CAMK1D: variants seen among roughly 807,000 people sequenced by gnomAD.
CAMK1D encodes the protein calcium/calmodulin dependent protein kinase ID.
In CAMK1D, 9 loss-of-function variants were observed where a neutral mutation model predicts 47.7. The observed-to-expected ratio is 0.19, with a 90% CI of 0.11 to 0.33. The LOEUF (loss-of-function observed/expected upper bound fraction) is 0.33, where lower values mean the gene tolerates loss of function less well. Among genes scored for constraint, CAMK1D ranks in the 10% least tolerant of loss-of-function variants. The pLI is 1.00. For synonymous variants in CAMK1D, 184 were observed against 184.9 expected (o/e 0.99, Z 0.04); for missense variants, 291 against 488.7 (o/e 0.60, Z 3.81).
At chr10:12,529,948 A>G (rs1159745997) in intron 1 of CAMK1D, among the ~76,000 whole-genome samples, 2 of 152,186 alleles carry the variant, frequency 1.3e-5, no homozygotes, top group Non-Finnish European at 2.9e-5. Flanking sequence ...TTGTGGAGGT[A>G]AGGCTTTGGA....
chr10:12,373,202 A>G (rs555536903), intron 1 of CAMK1D, among the ~76,000 whole-genome samples: 1 of 151,948 alleles, frequency 6.6e-6, no homozygotes, highest in East Asian at 1.9e-4. Context: ...AGTCCCAGCT[A>G]CTTTGGAGAC....
intron 1 of CAMK1D, among the ~76,000 whole-genome samples, chr10:12,534,220 A>G (rs746910138): frequency 6.6e-6 from 1 of 152,024 alleles, no homozygotes; most frequent in Non-Finnish European, 1.5e-5. Flanking sequence ...CAGTCAATCA[A>G]TGTATCAATC....
chr10:12,755,879 T>G (rs1336272603), intron 3 of CAMK1D, among the ~76,000 whole-genome samples: 1 of 152,170 alleles, frequency 6.6e-6, no homozygotes, highest in East Asian at 1.9e-4. Flanking sequence ...AGAAGAGAAA[T>G]GCTGCTTAGA....
chr10:12,810,629 A>G (rs1460199559), intron 6 of CAMK1D, among the ~76,000 whole-genome samples: 2 of 152,188 alleles, frequency 1.3e-5, no homozygotes, highest in African/African-American at 4.8e-5. Flanking sequence ...GCGGAGAGGC[A>G]GGGTCCCATC....
chr10:12,793,315 G>A (rs952592025), intron 6 of CAMK1D, among the ~76,000 whole-genome samples: 7 of 152,080 alleles, frequency 4.6e-5, no homozygotes, highest in African/African-American at 1.4e-4. Flanking sequence ...TGGTCTGCAC[G>A]AATGTCTGTG....
chr10:12,797,009 C>T (rs1838223607), intron 6 of CAMK1D, among the ~76,000 whole-genome samples: 1 of 152,182 alleles, frequency 6.6e-6, no homozygotes, highest in South Asian at 2.1e-4. Context: ...ATAGGAAATG[C>T]TCCGTGAGAA....
intron 5 of CAMK1D, among the ~76,000 whole-genome samples, chr10:12,781,776 C>G (rs547672130): frequency 6.6e-6 from 1 of 151,926 alleles, no homozygotes; most frequent in Non-Finnish European, 1.5e-5. Flanking sequence ...CTCATCCTCC[C>G]GAGAAGCTGG....
At chr10:12,606,638 T>C (rs973795526) in intron 2 of CAMK1D, among the ~76,000 whole-genome samples, 11 of 152,140 alleles carry the variant, frequency 7.2e-5, no homozygotes, top group Non-Finnish European at 1.3e-4. Context: ...TCTCCTGCCG[T>C]ATGTATAATC....
intron 1 of CAMK1D, among the ~76,000 whole-genome samples, chr10:12,442,838 A>G (rs1832820674): frequency 1.3e-5 from 2 of 152,214 alleles, no homozygotes; most frequent in South Asian, 4.1e-4. Context: ...TGTAAGGAGA[A>G]GCATGTTAGA....
In CAMK1D at chr10:12,624,995, T is replaced by TTCCTCC. The variant is rs57078350; in HGVS notation, c.225-41718_225-41713dup. On this transcript the variant is annotated intron_variant, in intron 2 of 10. Transcript: ENST00000619168. ...TCTTCCTCCTTCTCCTTCCTCCTCT[T>TTCCTCC]TCCTCCTCCTCCTCCTCCTCCTCCT... Among the ~76,000 whole-genome samples the TTCCTCC allele has an allele frequency of 9.1e-3, 1,351 of 148,382 alleles. 13 individuals carry two copies. The highest frequency in any genetic ancestry group is 0.026 in the African/African-American group (1,059 of 40,402).
intron 2 of CAMK1D, among the ~76,000 whole-genome samples, chr10:12,627,233 C>T (rs768532443): frequency 4.6e-5 from 7 of 151,950 alleles, no homozygotes; most frequent in Non-Finnish European, 4.4e-5. Flanking sequence ...AGGTGCCTGC[C>T]ACCACGCCCA....
At chr10:12,354,432 T>TC in intron 1 of CAMK1D, among the ~76,000 whole-genome samples, 1 of 142,302 alleles carries the variant, frequency 7.0e-6, no homozygotes, top group East Asian at 2.0e-4. Context: ...TTTTCTTTTC[T>TC]TTTTTTTTTT....
rs1326051934 is a variant in CAMK1D at position 12,834,630 on chromosome 10, G to A, written c.*5743G>A. ...TTTGTCTCCGGGGAACTTCTCATTC[G>A]ATTATTATGTCTTCTGATGATTTGC... On this transcript the variant is annotated 3_prime_UTR_variant, in exon 11 of 11. Coordinates refer to ENST00000619168, the MANE Select transcript of CAMK1D (RefSeq NM_153498.4). 6 of 151,964 alleles carry A rather than the reference G, an allele frequency of 3.9e-5. No individual in the cohort carries two copies. The highest frequency in any genetic ancestry group is 1.9e-4 in the East Asian group (1 of 5,178). The allele number at this position is 151,964 out of a possible 1,614,324, so 9.4% of individuals were successfully genotyped here.
chr10:12,448,362 C>A (rs1832983376), intron 1 of CAMK1D, among the ~76,000 whole-genome samples: 1 of 104,332 alleles, frequency 9.6e-6, no homozygotes, highest in African/African-American at 3.7e-5. Flanking sequence ...TTTATTTTTG[C>A]TTATTTTAAT....
intron 1 of CAMK1D, among the ~76,000 whole-genome samples, chr10:12,533,298 C>G (rs1212386055): frequency 6.6e-6 from 1 of 152,174 alleles, no homozygotes; most frequent in Non-Finnish European, 1.5e-5. Context: ...TTTCTCTGCA[C>G]TGAATCATCT....
chr10:12,486,338 T>C (rs1834215083), intron 1 of CAMK1D, among the ~76,000 whole-genome samples: 7 of 152,100 alleles, frequency 4.6e-5, no homozygotes, highest in Admixed American at 2.6e-4. Context: ...TTTTGTATTT[T>C]TAGTAGAGAT....
intron 3 of CAMK1D, among the ~76,000 whole-genome samples, chr10:12,687,290 C>G (rs1832704746): frequency 6.6e-6 from 1 of 150,938 alleles, no homozygotes; most frequent in Admixed American, 6.6e-5. Context: ...AAAAAAAATA[C>G]ACAGCATGTT....
At chr10:12,458,691 C>G (rs1160455892) in intron 1 of CAMK1D, among the ~76,000 whole-genome samples, 1 of 152,160 alleles carries the variant, frequency 6.6e-6, no homozygotes, top group East Asian at 1.9e-4. Context: ...CCTCAGCCTC[C>G]TAAAGTGTCA....
intron 1 of CAMK1D, among the ~76,000 whole-genome samples, chr10:12,528,596 G>A (rs186844248): frequency 1.3e-5 from 2 of 152,068 alleles, no homozygotes; most frequent in African/African-American, 2.4e-5. Context: ...AGACTCCCGG[G>A]GTCTAAGCCC....
Sources: gnomAD v4.1 joint callset for allele counts (sites outside exome capture counted in the v4.1 genomes callset) on GRCh38, gnomAD v4.1.1 for gene constraint, MANE v1.5 for transcripts, NCBI Gene and HGNC (gene_info 2026-07-23, HGNC 2026-07-21) for gene names.